The following TASP1 variants were observed in gnomAD, a reference collection of about 807,000 sequenced individuals.
TASP1 encodes taspase 1.
Under a neutral mutation model 56.6 loss-of-function variants are expected in TASP1, and 16 were observed. The observed-to-expected ratio is 0.28, with a 90% confidence interval of 0.19 to 0.43. TASP1 has a LOEUF of 0.43. Ranked by LOEUF, TASP1 falls within the 20% of genes least tolerant of loss-of-function variation. TASP1 has a pLI of 1.00. For missense variants in TASP1, 393 were observed against 511.6 expected, an observed-to-expected ratio of 0.77 and a Z score of 2.24; for synonymous variants, 179 against 184.2, an observed-to-expected ratio of 0.97 and a Z score of 0.23.
the TASP1 span, among the ~76,000 whole-genome samples, chr20:13,142,659 G>C: frequency 6.6e-6 from 1 of 152,170 alleles, no homozygotes; most frequent in Non-Finnish European, 1.5e-5. Context: ...TGTATTCTCT[G>C]CTCAGGTTCT....
the TASP1 span, among the ~76,000 whole-genome samples, chr20:13,236,679 T>C: frequency 6.6e-6 from 1 of 152,186 alleles, no homozygotes; most frequent in Admixed American, 6.5e-5. Context: ...GGTACAGGTA[T>C]TGGGTAAATA....
intron 8 of TASP1, among the ~76,000 whole-genome samples, chr20:13,557,381 G>T (rs1007456116): frequency 6.6e-6 from 1 of 151,926 alleles, no homozygotes; most frequent in African/African-American, 2.4e-5. Context: ...AACGTTCAGA[G>T]CAAGAAAAAG....
chr20:13,302,690 G>A, the TASP1 span, among the ~76,000 whole-genome samples: 1 of 152,156 alleles, frequency 6.6e-6, no homozygotes, highest in Admixed American at 6.6e-5. Flanking sequence ...CCCCGCAGTA[G>A]CTGCTCAAAT....
chr20:13,187,853 A>G, the TASP1 span, among the ~76,000 whole-genome samples: 214 of 152,228 alleles, frequency 1.4e-3, no homozygotes, highest in Admixed American at 4.2e-3. Flanking sequence ...CAGAACCATA[A>G]AAGCAAAAAG....
At chr20:13,290,518 G>T in the TASP1 span, among the ~76,000 whole-genome samples, 34 of 152,162 alleles carry the variant, frequency 2.2e-4, no homozygotes, top group African/African-American at 7.5e-4. Flanking sequence ...GCATGGTGGC[G>T]GGCGCCTGTA....
chr20:13,264,304 C>A, the TASP1 span, among the ~76,000 whole-genome samples: 1 of 152,198 alleles, frequency 6.6e-6, no homozygotes, highest in African/African-American at 2.4e-5. Flanking sequence ...TAGACAGCCA[C>A]AATTTGTTAC....
chr20:13,185,481 G>C, the TASP1 span, among the ~76,000 whole-genome samples: 5 of 152,122 alleles, frequency 3.3e-5, no homozygotes, highest in African/African-American at 1.2e-4. Context: ...TCTCCTAGTT[G>C]ACAGCATATA....
intron 2 of TASP1, among the ~76,000 whole-genome samples, chr20:13,628,332 C>T (rs552295875): frequency 2.6e-5 from 4 of 152,282 alleles, no homozygotes; most frequent in East Asian, 1.9e-4. Context: ...ACTCTGAATA[C>T]GGTAACTCAC....
chr20:13,318,374 T>C, the TASP1 span, among the ~76,000 whole-genome samples: 2 of 152,158 alleles, frequency 1.3e-5, no homozygotes, highest in African/African-American at 4.8e-5. Flanking sequence ...TCATTGAGAA[T>C]AGTGAGAATT....
intron 11 of TASP1, among the ~76,000 whole-genome samples, chr20:13,473,564 T>C (rs932994705): frequency 6.6e-6 from 1 of 152,064 alleles, no homozygotes; most frequent in South Asian, 2.1e-4. Flanking sequence ...AAATTGCTTG[T>C]TTGTTTGTTT....
chr20:13,154,899 G>A, the TASP1 span, among the ~76,000 whole-genome samples: 1 of 152,170 alleles, frequency 6.6e-6, no homozygotes, highest in African/African-American at 2.4e-5. Flanking sequence ...GAAGTTAACT[G>A]GCAGGGCACA....
chr20:13,503,969 A>C (rs1412047919), intron 10 of TASP1, among the ~76,000 whole-genome samples: 1 of 150,648 alleles, frequency 6.6e-6, no homozygotes, highest in African/African-American at 2.5e-5. Context: ...TACAGGATTT[A>C]TGGAGTACCA....
the TASP1 span, among the ~76,000 whole-genome samples, chr20:13,259,008 C>T: frequency 6.6e-6 from 1 of 152,112 alleles, no homozygotes; most frequent in African/African-American, 2.4e-5. Flanking sequence ...CTGGGCCGGG[C>T]GCAATGGCTC....
chr20:13,164,739 G>A, the TASP1 span: 1 of 1,603,194 alleles, frequency 6.2e-7, no homozygotes, highest in South Asian at 1.1e-5. Flanking sequence ...CTATTGGAAA[G>A]CAATCTCATT....
chr20:13,320,287 G>A, the TASP1 span, among the ~76,000 whole-genome samples: 1 of 152,192 alleles, frequency 6.6e-6, no homozygotes, highest in Non-Finnish European at 1.5e-5. Context: ...TCCCAAATGA[G>A]TTCAGACCTC....
At chr20:13,550,878 A>T (rs1374282049) in intron 8 of TASP1, among the ~76,000 whole-genome samples, 4 of 152,118 alleles carry the variant, frequency 2.6e-5, no homozygotes, top group Non-Finnish European at 4.4e-5. Context: ...TGAGGAAAAC[A>T]TGTTGTTTTT....
the TASP1 span, among the ~76,000 whole-genome samples, chr20:13,339,421 A>G: frequency 6.6e-6 from 1 of 152,030 alleles, no homozygotes; most frequent in East Asian, 1.9e-4. Context: ...TGGGACCATC[A>G]TTTTTCACCT....
intron 4 of TASP1, among the ~76,000 whole-genome samples, chr20:13,600,842 C>T (rs1248539945): frequency 6.6e-6 from 1 of 152,140 alleles, no homozygotes; most frequent in Non-Finnish European, 1.5e-5. Context: ...CTTGCTCTGT[C>T]AGCTGAGAGG....
chr20:13,421,665 T>A (rs1192225661), intron 12 of TASP1, among the ~76,000 whole-genome samples: 1 of 152,168 alleles, frequency 6.6e-6, no homozygotes, highest in Admixed American at 6.5e-5. Context: ...CAGACTATTA[T>A]CAGACTACCA....
Sources: gnomAD v4.1 joint callset for allele counts (sites outside exome capture counted in the v4.1 genomes callset) on GRCh38, gnomAD v4.1.1 for gene constraint, MANE v1.5 for transcripts, NCBI Gene and HGNC (gene_info 2026-07-23, HGNC 2026-07-21) for gene names.